The following MPP4 variants were observed in gnomAD, a reference collection of about 807,000 sequenced individuals.
The protein encoded by MPP4 is MAGUK p55 scaffold protein 4, also known as MAGUK p55 subfamily member 4.
A neutral mutation model predicts 98.3 loss-of-function variants in MPP4; 91 were observed. The ratio of observed to expected loss-of-function variants is 0.93; its 90% CI spans 0.78 to 1.10. MPP4 has a LOEUF of 1.10. Ranked by LOEUF, MPP4 falls within the 50% of genes least tolerant of loss-of-function variation. The pLI is 0.00. For missense variants in MPP4, 744 were observed against 792.9 expected (o/e 0.94, Z 0.74); for synonymous variants, 261 against 271.8 (o/e 0.96, Z 0.39).
Position 201,656,080 on chromosome 2 carries a change from T to C in MPP4, c.1300+118A>G, listed in dbSNP as rs934670955. 1.7e-5 allele frequency: 19 copies of C among 1,136,466 alleles called. No homozygotes were observed. In the African/African-American group the frequency reaches 2.2e-4, roughly 13 times the overall value. The allele number at this position is 1,136,466 out of a possible 1,614,324, so 70.4% of individuals were successfully genotyped here. On this transcript the variant is annotated intron_variant, in intron 17 of 21. Coordinates refer to ENST00000409474, the MANE Select transcript of MPP4 (RefSeq NM_033066.3). ...CAATGGCTTTGTTTTTTAAAAAAGGTATTTGTATGGGGGTCCATAAAGAGT... is the reference window on the plus strand; with the variant it reads ...CAATGGCTTTGTTTTTTAAAAAAGGCATTTGTATGGGGGTCCATAAAGAGT...
chr2:201,663,915 A>G (rs976948743), intron 14 of MPP4, among the ~76,000 whole-genome samples, 166 bp downstream of exon 14: 1 of 152,208 alleles, frequency 6.6e-6, no homozygotes, highest in Non-Finnish European at 1.5e-5. Flanking sequence ...AATAAATTTT[A>G]TAATGTATAT....
intron 4 of MPP4, 42 bp downstream of exon 4, chr2:201,690,160 C>A: frequency 1.5e-6 from 2 of 1,351,750 alleles, no homozygotes; most frequent in Non-Finnish European, 1.0e-6. Flanking sequence ...AAAATGGCAC[C>A]ACATCAGAGC....
intron 11 of MPP4, among the ~76,000 whole-genome samples, chr2:201,673,251 A>T (rs781531515): frequency 2.0e-5 from 3 of 152,250 alleles, no homozygotes; most frequent in Non-Finnish European, 4.4e-5. Context: ...ACAAACGCAC[A>T]GCCAGAATCA....
In MPP4 at chr2:201,662,769, G is replaced by A. The variant is rs544604375; in HGVS notation, c.1072+1312C>T. Among the ~76,000 whole-genome samples the A allele has an allele frequency of 2.0e-3, 309 of 152,176 alleles. 3 individuals carry two copies. Among genetic ancestry groups the A allele is most frequent in the Non-Finnish European group, 1.3e-3 (90 of 67,994 alleles). On this transcript the variant is annotated intron_variant, in intron 14 of 21. Transcript: ENST00000409474. ...ATGTGATAAGAGAAAGAAGAAAATT[G>A]CCTTAATTGGGGTAAAGATAATATG...
In MPP4 at chr2:201,653,919, A is replaced by G. The variant is rs568194714; in HGVS notation, c.1381+918T>C. Among the ~76,000 whole-genome samples, 60 of 152,290 alleles carry G rather than the reference A, an allele frequency of 3.9e-4. 1 individual carries two copies. The highest frequency in any genetic ancestry group is 6.6e-4 in the Non-Finnish European group (45 of 68,010). ...TTTTAGGAGTTGCTTTGGAGCTGGTAGTAGTAAAGGGGGAGCTTAGGAGAA... is the reference window on the plus strand; with the variant it reads ...TTTTAGGAGTTGCTTTGGAGCTGGTGGTAGTAAAGGGGGAGCTTAGGAGAA... On this transcript the variant is annotated intron_variant, in intron 18 of 21. Transcript: ENST00000409474.
rs759225136 is a variant in MPP4 at position 201,680,936 on chromosome 2, C to G, written c.831G>C (p.Gln277His). 3.0e-5 allele frequency: 48 copies of G among 1,613,878 alleles called. 1 individual carries two copies. In the South Asian group the frequency reaches 4.9e-4, roughly 17 times the overall value. The stretch of plus-strand genomic sequence containing the variant: ...AGAGGGCATCATTCTGGTCCACAAT[C>G]TGGAGGATGTCCCCCTTCTGGAAAG... ...GLPFQKGDIL[Q>H]IVDQNDALWW... Residue 277 changes from glutamine to histidine, a missense_variant, in exon 10 of 22, where the codon CAG becomes CAC. Physicochemically the swap from Gln to His is conservative, Grantham distance 24. Coordinates refer to ENST00000409474, the MANE Select transcript of MPP4 (RefSeq NM_033066.3).
At chr2:201,653,170 A>G (rs1168667706) in intron 18 of MPP4, among the ~76,000 whole-genome samples, 6 of 152,132 alleles carry the variant, frequency 3.9e-5, no homozygotes, top group African/African-American at 1.4e-4. Context: ...GGAACATCAC[A>G]AGTCTAGCTG....
intron 14 of MPP4, among the ~76,000 whole-genome samples, chr2:201,662,938 C>G (rs1688067482): frequency 6.6e-6 from 1 of 152,012 alleles, no homozygotes; most frequent in Admixed American, 6.6e-5. Flanking sequence ...TTAATGATGT[C>G]AACATTATTT....
Position 201,686,041 on chromosome 2 carries a change from T to C in MPP4, c.370A>G (p.Ser124Gly), listed in dbSNP as rs758707140. Residue 124 changes from serine (S) to glycine (G), a missense_variant, in exon 6 of 22, where the codon AGT (serine) becomes GGT (glycine). Ser to Gly is a moderately conservative substitution (Grantham distance 56). Transcript: ENST00000409474. ...TTCTGAGCTATCGTGTCATGGGCAC[T>C]GAGCAAGGCCTGGGCACAGGGAAGG... Reference protein sequence around the residue: ...LQAPHFKALLSAHDTIAQKDF... With the variant: ...LQAPHFKALLGAHDTIAQKDF... 2 of 1,611,792 alleles carry C rather than the reference T, an allele frequency of 1.2e-6. No individual in the cohort carries two copies. Among genetic ancestry groups the C allele is most frequent in the Non-Finnish European group, 1.7e-6 (2 of 1,178,132 alleles).
At chr2:201,649,065 A>T (rs1372326114) in intron 20 of MPP4, among the ~76,000 whole-genome samples, 1 of 152,072 alleles carries the variant, frequency 6.6e-6, no homozygotes, top group African/African-American at 2.4e-5. Context: ...CCTTGTCTCA[A>T]AAAACAAAAC....
intron 12 of MPP4, among the ~76,000 whole-genome samples, chr2:201,669,509 C>A (rs1448208930): frequency 6.6e-6 from 1 of 152,082 alleles, no homozygotes; most frequent in South Asian, 2.1e-4. Context: ...AGTGTTAGGA[C>A]AATTATACTT....
chr2:201,694,735 C>G (rs528983488), intron 1 of MPP4, among the ~76,000 whole-genome samples: 1 of 147,976 alleles, frequency 6.8e-6, no homozygotes, highest in Admixed American at 6.8e-5. Context: ...ATCCTGCTAC[C>G]TCAGCCTCTT....
chr2:201,653,981 CTTT>C (rs773754338), intron 18 of MPP4, among the ~76,000 whole-genome samples: 1 of 146,012 alleles, frequency 6.8e-6, no homozygotes, highest in Non-Finnish European at 1.5e-5. Flanking sequence ...TAAGAAAACA[CTTT>C]TTTTTTTTTC....
chr2:201,695,781 A>G (rs1689162112), intron 1 of MPP4, among the ~76,000 whole-genome samples: 1 of 152,198 alleles, frequency 6.6e-6, no homozygotes, highest in Admixed American at 6.5e-5. Context: ...CAACATGTAT[A>G]CCTTCGGATA....
intron 14 of MPP4, 45 bp from the exon 15 acceptor site, chr2:201,660,391 C>A (rs572112733): frequency 6.2e-6 from 10 of 1,606,760 alleles, no homozygotes; most frequent in Non-Finnish European, 7.7e-6. Context: ...AAAAGTTAAG[C>A]CTTTAAGAAG....
intron 21 of MPP4, chr2:201,646,606 A>G (rs1687564702): frequency 6.6e-6 from 1 of 152,208 alleles, no homozygotes; most frequent in Non-Finnish European, 1.5e-5. Context: ...CAGCAAATAC[A>G]TTCATGGACT....
chr2:201,680,775 C>A (rs1327041863), intron 10 of MPP4, 63 bp downstream of exon 10: 3 of 1,472,266 alleles, frequency 2.0e-6, no homozygotes, highest in African/African-American at 1.4e-5. Context: ...AACAGAAACC[C>A]AAGAAAAACA....
chr2:201,672,952 G>A (rs1244395231), intron 11 of MPP4, among the ~76,000 whole-genome samples: 4 of 152,094 alleles, frequency 2.6e-5, no homozygotes, highest in Non-Finnish European at 5.9e-5. Context: ...GATGAACATC[G>A]ATGGGAAAAT....
chr2:201,647,191 T>C (rs946396114), intron 21 of MPP4, among the ~76,000 whole-genome samples: 4 of 152,218 alleles, frequency 2.6e-5, no homozygotes, highest in African/African-American at 9.6e-5. Flanking sequence ...CCCTCTATTA[T>C]TACCATCATC....
Sources: gnomAD v4.1 joint callset for allele counts (sites outside exome capture counted in the v4.1 genomes callset) on GRCh38, gnomAD v4.1.1 for gene constraint, MANE v1.5 for transcripts, NCBI Gene and HGNC (gene_info 2026-07-23, HGNC 2026-07-21) for gene names.